Variants in MON2 observed in about 807,000 individuals in gnomAD.
MON2 encodes the protein MON2 regulator of endosome-to-Golgi trafficking, also known as protein MON2 homolog.
MON2 carries 84 observed loss-of-function variants against 208.6 expected under a neutral mutation model. That is an observed-to-expected ratio of 0.40 (90% CI 0.34 to 0.48). The LOEUF is 0.48. Among genes scored for constraint, MON2 ranks in the 20% least tolerant of loss-of-function variants. The pLI is 0.59. For synonymous variants in MON2, 660 were observed against 694.0 expected, an observed-to-expected ratio of 0.95 and a Z score of 0.77; for missense variants, 1,611 against 2,015.4, an observed-to-expected ratio of 0.80 and a Z score of 3.84.
chr12:62,511,311 G>GA (rs1340961074), intron 8 of MON2, among the ~76,000 whole-genome samples: 1 of 152,002 alleles, frequency 6.6e-6, no homozygotes, highest in African/African-American at 2.4e-5. Flanking sequence ...ACTATCTTGA[G>GA]AAAAAAGAAC....
Position 62,538,505 on chromosome 12 carries a change from G to A in MON2, c.2364G>A (p.Lys788=), listed in dbSNP as rs1311054573. ...EAMDMAYGNN[K]EPSLFAVAKL... ...TGGATATGGCCTATGGAAATAATAA[G>A]GTGTGATATTCTACCTTTCTGTTTT... The change falls in exon 19 of 35, where the codon AAG becomes AAA. Residue 788 remains lysine, a splice_region_variant and synonymous_variant. Transcript: ENST00000393630. 6.3e-7 allele frequency: 1 copy of A among 1,574,968 alleles called. No homozygotes were observed. Among genetic ancestry groups the A allele is most frequent in the Non-Finnish European group, 8.7e-7 (1 of 1,146,676 alleles).
chr12:62,494,216 A>G (rs1565970334), intron 3 of MON2, among the ~76,000 whole-genome samples, 174 bp downstream of exon 3: 1 of 152,214 alleles, frequency 6.6e-6, no homozygotes, highest in Non-Finnish European at 1.5e-5. Flanking sequence ...AAACACTCAC[A>G]AACAAGTATT....
intron 1 of MON2, chr12:62,482,411 T>C (rs1462674452): frequency 6.6e-6 from 1 of 152,230 alleles, no homozygotes; most frequent in Non-Finnish European, 1.5e-5. Flanking sequence ...GGCCATAGCA[T>C]ACTGGTGTTT....
At chr12:62,578,078 TTAAA>T (rs1363234454) in intron 30 of MON2, among the ~76,000 whole-genome samples, 9 of 152,208 alleles carry the variant, frequency 5.9e-5, no homozygotes, top group African/African-American at 2.2e-4. Flanking sequence ...TAAGGCTGTC[TTAAA>T]TAACCACCAA....
At chr12:62,527,858 AG>A (rs376525643) in intron 11 of MON2, among the ~76,000 whole-genome samples, 1 of 151,648 alleles carries the variant, frequency 6.6e-6, no homozygotes, top group Non-Finnish European at 1.5e-5. Flanking sequence ...AAAAAAAAAA[AG>A]AAACAAGCCA....
chr12:62,565,065 T>C, intron 26 of MON2, 172 bp from the exon 27 acceptor site: 1 of 576,998 alleles, frequency 1.7e-6, no homozygotes. Flanking sequence ...CAGCCTATAC[T>C]TTATTCTATA....
At chr12:62,519,869 G>T (rs1314228653) in intron 8 of MON2, among the ~76,000 whole-genome samples, 2 of 152,270 alleles carry the variant, frequency 1.3e-5, no homozygotes, top group Admixed American at 1.3e-4. Context: ...TGGCTGGAGT[G>T]CCGTGGCGTG....
intron 7 of MON2, among the ~76,000 whole-genome samples, chr12:62,506,409 G>A (rs561156174): frequency 7.9e-5 from 12 of 152,258 alleles, no homozygotes; most frequent in African/African-American, 2.9e-4. Flanking sequence ...TTATTTATCT[G>A]TGTTTTTGGA....
intron 33 of MON2, among the ~76,000 whole-genome samples, chr12:62,587,561 A>G (rs1745168390): frequency 1.3e-5 from 2 of 151,630 alleles, no homozygotes; most frequent in African/African-American, 4.8e-5. Flanking sequence ...ATAGCAAGCA[A>G]GACCTTGTTT....
At chr12:62,510,379 A>T (rs766075894) in intron 8 of MON2, among the ~76,000 whole-genome samples, 1 of 152,222 alleles carries the variant, frequency 6.6e-6, no homozygotes, top group Non-Finnish European at 1.5e-5. Flanking sequence ...GATTAAAAAA[A>T]TTCTCAAGAA....
At chr12:62,479,693 T>C (rs1297230946) in intron 1 of MON2, among the ~76,000 whole-genome samples, 1 of 152,188 alleles carries the variant, frequency 6.6e-6, no homozygotes, top group Admixed American at 6.5e-5. Flanking sequence ...TTCCAACTCA[T>C]AGATTGTCCT....
At chr12:62,580,245 T>A in intron 31 of MON2, 52 bp from the exon 32 acceptor site, 2 of 1,542,770 alleles carry the variant, frequency 1.3e-6, no homozygotes, top group South Asian at 2.4e-5. Context: ...AGAAATTATT[T>A]TAGTCTCTTT....
chr12:62,534,538 AAAAAATATATAT>A (rs2072837491), intron 12 of MON2, among the ~76,000 whole-genome samples: 5 of 25,372 alleles, frequency 2.0e-4, no homozygotes, highest in South Asian at 8.6e-4. Context: ...AAAAAAAAAA[AAAAAATATATAT>A]ATATATATAT....
chr12:62,543,607 T>TTC (rs1026739283), intron 20 of MON2, among the ~76,000 whole-genome samples: 2 of 151,988 alleles, frequency 1.3e-5, no homozygotes, highest in Admixed American at 1.3e-4. Flanking sequence ...GCTTTTTTTT[T>TTC]TCTCTCTCTC....
chr12:62,532,748 C>T, intron 12 of MON2, 78 bp downstream of exon 12: 2 of 1,062,230 alleles, frequency 1.9e-6, no homozygotes, highest in Non-Finnish European at 1.4e-6. Context: ...CTTTATAAAT[C>T]TTTCACCCTG....
chr12:62,494,337 A>G (rs1006134345), intron 3 of MON2, among the ~76,000 whole-genome samples: 1 of 152,188 alleles, frequency 6.6e-6, no homozygotes, highest in Non-Finnish European at 1.5e-5. Flanking sequence ...CTTTTATAAA[A>G]AGAGGAGGGA....
chr12:62,543,242 T>C, intron 20 of MON2, 44 bp downstream of exon 20: 1 of 1,063,422 alleles, frequency 9.4e-7, no homozygotes, highest in Non-Finnish European at 1.3e-6. Context: ...TAATAAACAT[T>C]TGCACACTGA....
chr12:62,541,960 A>G (rs1446538136), intron 19 of MON2, among the ~76,000 whole-genome samples: 1 of 152,178 alleles, frequency 6.6e-6, no homozygotes, highest in East Asian at 1.9e-4. Flanking sequence ...TATTATTATT[A>G]TCTTCATTTT....
At chr12:62,582,580 T>G (rs961479062) in intron 32 of MON2, among the ~76,000 whole-genome samples, 1 of 152,208 alleles carries the variant, frequency 6.6e-6, no homozygotes, top group African/African-American at 2.4e-5. Context: ...CAGTCAATAA[T>G]GTAAAAAAGA....
Sources: allele counts gnomAD v4.1 joint callset (sites outside exome capture counted in the v4.1 genomes callset), GRCh38; gene constraint gnomAD v4.1.1; transcripts MANE v1.5; gene names NCBI Gene and HGNC (gene_info 2026-07-23, HGNC 2026-07-21).